Variants in MYH2 observed in about 807,000 individuals in gnomAD.
MYH2 encodes the protein myosin heavy chain 2, also known as myosin-2.
A neutral mutation model predicts 228.1 loss-of-function variants in MYH2; 139 were observed. The ratio of observed to expected loss-of-function variants is 0.61; its 90% CI spans 0.53 to 0.70. The LOEUF is 0.70. Ranked by LOEUF, MYH2 falls within the 30% of genes least tolerant of loss-of-function variation. The probability of loss-of-function intolerance (pLI) is 0.00; values close to 1 mark genes in which losing one functional copy is unlikely to be tolerated. For missense variants in MYH2, 1,809 were observed against 2,357.5 expected (o/e 0.77, Z 4.82); for synonymous variants, 796 against 871.1 (o/e 0.91, Z 1.52).
intron 5 of MYH2, 84 bp from the exon 6 acceptor site, chr17:10,544,211 A>AT: frequency 6.5e-7 from 1 of 1,529,888 alleles, no homozygotes; most frequent in African/African-American, 1.4e-5. Flanking sequence ...TGAACTTAGT[A>AT]TTATTCAGTC....
At chr17:10,522,534 T>G (rs1487009863) in intron 39 of MYH2, among the ~76,000 whole-genome samples, 1 of 152,040 alleles carries the variant, frequency 6.6e-6, no homozygotes, top group Non-Finnish European at 1.5e-5. Context: ...TTAACAGTAC[T>G]TCTTACTTCT....
In MYH2 at chr17:10,523,682, A is replaced by G; in HGVS notation, c.5302-16T>C. ...TCATGGCGGCCTAAATAGCAAATAAATCAAGAAAACCAAGAAAGTTATAGA... is the reference window on the plus strand; with the variant it reads ...TCATGGCGGCCTAAATAGCAAATAAGTCAAGAAAACCAAGAAAGTTATAGA... On this transcript the variant is annotated splice_polypyrimidine_tract_variant and intron_variant, in intron 36 of 39. Coordinates refer to ENST00000245503, the MANE Select transcript of MYH2 (RefSeq NM_017534.6). 6.2e-7 allele frequency: 1 copy of G among 1,614,214 alleles called. No homozygotes were observed. The highest frequency in any genetic ancestry group is 8.5e-7 in the Non-Finnish European group (1 of 1,180,040).
intron 11 of MYH2, 116 bp from the exon 12 acceptor site, chr17:10,540,182 A>G (rs2073533484): frequency 1.4e-5 from 20 of 1,411,042 alleles, no homozygotes; most frequent in Non-Finnish European, 1.9e-5. Context: ...GAGACAAGGA[A>G]CCCCTTAGAT....
chr17:10,528,642 G>T (rs748492371), intron 27 of MYH2, 48 bp downstream of exon 27: 2 of 1,613,234 alleles, frequency 1.2e-6, no homozygotes, highest in Non-Finnish European at 1.7e-6. Context: ...ACTATGATGT[G>T]TCCATAATGC....
Position 10,536,200 on chromosome 17 carries a change from T to C in MYH2, c.1974+330A>G, listed in dbSNP as rs371317618. Among the ~76,000 whole-genome samples the C allele has an allele frequency of 7.6e-4, 115 of 152,308 alleles. 1 individual carries two copies. The highest frequency in any genetic ancestry group is 1.2e-3 in the Admixed American group (18 of 15,298). ...CTTGTACTTTTAAAAGCAAATTTTA[T>C]GCATTGGGTACAGTGTACACTGCTC... On this transcript the variant is annotated intron_variant, in intron 17 of 39. Coordinates refer to ENST00000245503, the MANE Select transcript of MYH2 (RefSeq NM_017534.6).
intron 21 of MYH2, 119 bp downstream of exon 21, chr17:10,533,166 A>G: frequency 1.4e-6 from 2 of 1,444,426 alleles, no homozygotes; most frequent in Non-Finnish European, 1.9e-6. Context: ...TTCCCACTTC[A>G]TTATAGGACT....
In MYH2 at chr17:10,535,321, A is replaced by C. The variant is rs765323770; in HGVS notation, c.2019T>G (p.Pro673=). 8 of 1,614,086 alleles carry C rather than the reference A, an allele frequency of 5.0e-6. No homozygotes were observed. In the South Asian group the frequency reaches 8.8e-5, roughly 18 times the overall value. Residue 673 remains proline, a synonymous_variant, in exon 18 of 40, where the codon CCT becomes CCG. Transcript: ENST00000245503. ...KLMTNLRSTH[P]HFVRCIIPNE... Reference sequence around the variant, plus strand: ...TGGGGATGATACACCTCACAAAGTGAGGATGGGTACTCCTGAGGTTGGTCA... The same window carrying C: ...TGGGGATGATACACCTCACAAAGTGCGGATGGGTACTCCTGAGGTTGGTCA...
chr17:10,535,097 A>G lies in MYH2; in HGVS notation c.2156T>C (p.Ile719Thr). 1.2e-6 allele frequency: 2 copies of G among 1,614,180 alleles called. No homozygotes were observed. The highest frequency in any genetic ancestry group is 1.7e-6 in the Non-Finnish European group (2 of 1,180,012). ...CCTCTGTTTGAAGTCTGCATAAAGG[A>G]TTCTGCTTGGAAATCCTTTCCTACA... The part of the protein sequence containing the change: ...RICRKGFPSR[I>T]LYADFKQRYK... Residue 719 changes from isoleucine (I) to threonine (T), a missense_variant, in exon 19 of 40, where the codon ATC becomes ACC. Physicochemically the swap from Ile to Thr is moderately conservative, Grantham distance 89 (BLOSUM62 -1). Around this residue, in one of 9 missense-constraint regions of MYH2, gnomAD observed 276 missense variants for 344.2 expected, o/e 0.80. Coordinates refer to ENST00000245503, the MANE Select transcript of MYH2 (RefSeq NM_017534.6).
chr17:10,525,890 C>G lies in MYH2; in HGVS notation c.4188-14G>C. ...GCCAGCTTCTTCCTTGAATATTATACATGTTTTCAGAGAGAAGTGAACCAT... is the reference window on the plus strand; with the variant it reads ...GCCAGCTTCTTCCTTGAATATTATAGATGTTTTCAGAGAGAAGTGAACCAT... On this transcript the variant is annotated splice_polypyrimidine_tract_variant and intron_variant, in intron 30 of 39. Transcript: ENST00000245503. The surrounding 1 kb of genome is among the most constrained non-coding windows in gnomAD (Gnocchi z 4.2). 1.9e-6 allele frequency: 3 copies of G among 1,613,508 alleles called. No homozygotes were observed. Among genetic ancestry groups the G allele is most frequent in the Non-Finnish European group, 2.5e-6 (3 of 1,179,508 alleles).
At chr17:10,532,583 C>A (rs950764547) in intron 21 of MYH2, among the ~76,000 whole-genome samples, 1 of 151,952 alleles carries the variant, frequency 6.6e-6, no homozygotes, top group African/African-American at 2.4e-5. Context: ...AGCATAATTA[C>A]AAGTGGTAAA....
intron 27 of MYH2, 108 bp from the exon 28 acceptor site, chr17:10,527,982 T>A (rs935169604): frequency 2.2e-6 from 3 of 1,344,082 alleles, no homozygotes; most frequent in Non-Finnish European, 3.0e-6. Flanking sequence ...AATATTTATC[T>A]TAATATAGAA....
Position 10,544,110 on chromosome 17 carries a change from T to C in MYH2, c.523A>G (p.Ile175Val). The C allele has an allele frequency of 1.2e-6, 2 of 1,614,126 alleles. No individual in the cohort carries two copies. Among genetic ancestry groups the C allele is most frequent in the East Asian group, 2.2e-5 (1 of 44,884 alleles). Residue 175 changes from isoleucine (I) to valine (V), a missense_variant, in exon 6 of 40, where the codon ATC becomes GTC. This residue lies in a region of MYH2 where 373 missense variants were observed against 620.4 expected (regional missense o/e 0.60). Transcript: ENST00000245503. ...ATAAAATCTACTTACGTGATCAGGA[T>C]TGACTGATTCTCTCGGTCTACAAAA... ...FMLTDRENQS[I>V]LITGESGAGK...
At position 10,526,931 on chromosome 17, in the gene MYH2, T is replaced by C. The variant is rs925211729; in HGVS notation, c.3990+7A>G. On this transcript the variant is annotated splice_region_variant and intron_variant, in intron 29 of 39. Transcript: ENST00000245503. ...AGGGAAAAAATCAGTCTTAGAATCA[T>C]AATTACTTTTATCTCCTCTTCAAGT... 3 of 1,613,652 alleles carry C rather than the reference T, an allele frequency of 1.9e-6. No homozygotes were observed. Among genetic ancestry groups the C allele is most frequent in the Admixed American group, 3.3e-5 (2 of 60,028 alleles).
chr17:10,546,255 T>TTATATATATATATATATATA lies in MYH2; in HGVS notation c.349-754_349-753insTATATATATATATATATATA, dbSNP rs1376514619. ...AGTTATAAGGAAACAGGACACGAAA[T>TTATATATATATATATATATA]GATATATATATATATATATATATAT... On this transcript the variant is annotated intron_variant, in intron 4 of 39. Coordinates refer to ENST00000245503, the MANE Select transcript of MYH2 (RefSeq NM_017534.6). Among the ~76,000 whole-genome samples, 78 of 27,140 alleles carry TTATATATATATATATATATA rather than the reference T, an allele frequency of 2.9e-3. 3 individuals are homozygous for TTATATATATATATATATATA. The highest frequency in any genetic ancestry group is 0.019 in the South Asian group (10 of 518). The allele number at this position is 27,140 out of a possible 152,430, so 17.8% of individuals were successfully genotyped here. A position where few individuals can be genotyped will look rare whatever the true frequency, so the allele number is the denominator to read the frequency against.
chr17:10,538,759 T>C (rs893156433), intron 14 of MYH2, among the ~76,000 whole-genome samples: 48 of 151,340 alleles, frequency 3.2e-4, no homozygotes, highest in African/African-American at 9.7e-4. Flanking sequence ...GTTTTGCTTG[T>C]ATAATTAGAA....
In MYH2 at chr17:10,523,373, G is replaced by A. The variant is rs368695212; in HGVS notation, c.5512C>T (p.Arg1838Cys). Residue 1838 changes from arginine (R) to cysteine (C), a missense_variant, in exon 38 of 40, where the codon CGT becomes TGT. Coordinates refer to ENST00000245503, the MANE Select transcript of MYH2 (RefSeq NM_017534.6). The part of the protein sequence containing the change: ...LEGEVESEQK[R>C]NAEAVKGLRK... ...AGACCTTTGACAGCCTCAGCATTAC[G>A]CTTTTGCTCACTCTCAACCTCTCCT... 38 of 1,614,140 alleles carry A rather than the reference G, an allele frequency of 2.4e-5. No individual in the cohort carries two copies. Among genetic ancestry groups the A allele is most frequent in the South Asian group, 2.1e-4 (19 of 91,076 alleles).
chr17:10,526,055 C>G (rs990810549), intron 30 of MYH2, among the ~76,000 whole-genome samples, 179 bp from the exon 31 acceptor site: 8 of 152,084 alleles, frequency 5.3e-5, no homozygotes, highest in Non-Finnish European at 7.4e-5. Flanking sequence ...GCAGCAGTGA[C>G]CAAGACAAAA....
intron 22 of MYH2, among the ~76,000 whole-genome samples, 194 bp downstream of exon 22, chr17:10,531,439 T>C (rs1488233388): frequency 6.6e-6 from 1 of 152,234 alleles, no homozygotes; most frequent in Non-Finnish European, 1.5e-5. Context: ...TCTACCTCAC[T>C]GCCCTGGTGC....
intron 14 of MYH2, among the ~76,000 whole-genome samples, chr17:10,538,851 C>T (rs11649903): frequency 0.88 from 134,224 of 152,076 alleles, 60,084 homozygotes; most frequent in East Asian, 1. Flanking sequence ...CATGATATCA[C>T]ACTAATGAGT....
Sources: allele counts gnomAD v4.1 joint callset (sites outside exome capture counted in the v4.1 genomes callset), GRCh38; gene constraint gnomAD v4.1.1; regional missense constraint gnomAD v4.1.1; non-coding constraint Gnocchi (gnomAD v3.1); transcripts MANE v1.5; gene names NCBI Gene and HGNC (gene_info 2026-07-23, HGNC 2026-07-21).